Variants in BPTF observed in about 807,000 individuals in gnomAD.
BPTF encodes the protein nucleosome-remodeling factor subunit BPTF.
BPTF carries 18 observed loss-of-function variants against 292.5 expected under a neutral mutation model. The observed-to-expected ratio is 0.06, with a 90% confidence interval of 0.04 to 0.09. The LOEUF (loss-of-function observed/expected upper bound fraction) is 0.09. Ranked by LOEUF, BPTF falls within the 10% of genes least tolerant of loss-of-function variation. The probability of loss-of-function intolerance (pLI) is 1.00; values close to 1 mark genes in which losing one functional copy is unlikely to be tolerated. For synonymous variants in BPTF, 1,225 were observed against 1,251.9 expected, an observed-to-expected ratio of 0.98 and a Z score of 0.45; for missense variants, 2,726 against 3,498.7, an observed-to-expected ratio of 0.78 and a Z score of 5.57.
intron 27 of BPTF, 174 bp from the exon 28 acceptor site, chr17:67,982,078 T>C: frequency 1.6e-6 from 1 of 627,604 alleles, no homozygotes; most frequent in Non-Finnish European, 3.0e-6. Context: ...AGTGAAAAGT[T>C]TTAATATTAT....
At chr17:67,952,054 C>CAAAAAA (rs56099409) in intron 23 of BPTF, among the ~76,000 whole-genome samples, 1 of 71,380 alleles carries the variant, frequency 1.4e-5, no homozygotes, top group Non-Finnish European at 2.5e-5. Context: ...GACTCTGTCT[C>CAAAAAA]AAAAAAAAAA....
At chr17:67,971,775 C>T (rs55851004) in intron 26 of BPTF, among the ~76,000 whole-genome samples, 1 of 145,762 alleles carries the variant, frequency 6.9e-6, no homozygotes, top group Non-Finnish European at 1.5e-5. Context: ...TTGCAGTGAT[C>T]TGAGATCATG....
chr17:67,924,185 T>A (rs1343440541), intron 14 of BPTF, among the ~76,000 whole-genome samples: 1 of 151,790 alleles, frequency 6.6e-6, no homozygotes, highest in Admixed American at 6.6e-5. Context: ...GAACTCCTGA[T>A]CTCAAGCAAT....
chr17:67,918,706 C>T lies in BPTF; in HGVS notation c.5304-8C>T, dbSNP rs200578093. 3.2e-4 allele frequency: 514 copies of T among 1,611,304 alleles called. 3 individuals are homozygous for T. In the African/African-American group the frequency reaches 5.8e-3, roughly 18 times the overall value. On this transcript the variant is annotated splice_region_variant and splice_polypyrimidine_tract_variant and intron_variant, in intron 11 of 27. Transcript: ENST00000306378. ...GATATATATGGATTTCTTTGGTTTTCCTTTCAGGTATAGACTTCAGACAGT... is the reference window on the plus strand; with the variant it reads ...GATATATATGGATTTCTTTGGTTTTTCTTTCAGGTATAGACTTCAGACAGT...
At chr17:67,886,013 A>G in intron 4 of BPTF, 2 of 817,636 alleles carry the variant, frequency 2.4e-6, no homozygotes, top group South Asian at 4.0e-5. Context: ...ACATGAACAG[A>G]TTTTCTTTTA....
chr17:67,844,437 T>C (rs904154941), intron 1 of BPTF, among the ~76,000 whole-genome samples: 5 of 151,108 alleles, frequency 3.3e-5, no homozygotes, highest in African/African-American at 4.9e-5. Flanking sequence ...GTAGTAGAGA[T>C]GGGGTTTCAC....
chr17:67,925,992 CTTTTTTTTTTT>C lies in BPTF; in HGVS notation c.5751+1423_5751+1433del, dbSNP rs60083535. Among the ~76,000 whole-genome samples the C allele has an allele frequency of 1.9e-4, 11 of 56,650 alleles. 1 individual carries two copies. Among genetic ancestry groups the C allele is most frequent in the African/African-American group, 4.2e-4 (7 of 16,680 alleles). 37.2% of individuals were successfully genotyped at this position (56,650 alleles called of 152,430 possible). On this transcript the variant is annotated intron_variant, in intron 15 of 27. Coordinates refer to ENST00000306378, the MANE Select transcript of BPTF (RefSeq NM_182641.4). ...CTCTGCAATGTAACCTAACATATTA[CTTTTTTTTTTT>C]TTTTTTTTTTTTTTTTTTTGAGACA...
chr17:67,888,407 T>C (rs1036658838), intron 4 of BPTF, among the ~76,000 whole-genome samples: 6 of 152,012 alleles, frequency 3.9e-5, no homozygotes, highest in African/African-American at 1.4e-4. Context: ...GCCAACATAG[T>C]GAAACCCTGT....
intron 26 of BPTF, among the ~76,000 whole-genome samples, chr17:67,967,532 A>G (rs2068255824): frequency 6.6e-6 from 1 of 152,064 alleles, no homozygotes; most frequent in South Asian, 2.1e-4. Flanking sequence ...ATAATTACAA[A>G]AACATTGGAA....
chr17:67,978,506 C>T (rs1331908381), intron 27 of BPTF, among the ~76,000 whole-genome samples: 1 of 151,026 alleles, frequency 6.6e-6, no homozygotes, highest in Non-Finnish European at 1.5e-5. Flanking sequence ...ACCATGTTGA[C>T]CAAGCCGGTC....
Position 67,912,695 on chromosome 17 carries a change from A to G in BPTF, c.4811A>G (p.Lys1604Arg). 1 of 1,614,092 alleles carries G rather than the reference A, an allele frequency of 6.2e-7. No individual in the cohort carries two copies. Residue 1604 changes from lysine to arginine, a missense_variant, in exon 11 of 28, where the codon AAG becomes AGG. Physicochemically the swap from Lys to Arg is conservative, Grantham distance 26. This residue lies in a region of BPTF where 144 missense variants were observed against 177.2 expected (regional missense o/e 0.81). Coordinates refer to ENST00000306378, the MANE Select transcript of BPTF (RefSeq NM_182641.4). ...TVATESKTVI[K>R]VEKGDKQTVV... is the part of the protein sequence containing the mutation. ...GCCACAGAATCAAAAACTGTGATCA[A>G]GGTAGAAAAAGGCGATAAGCAAACT...
At chr17:67,910,839 G>A in intron 10 of BPTF, 38 bp from the exon 11 acceptor site, 3 of 1,408,450 alleles carry the variant, frequency 2.1e-6, no homozygotes, top group Non-Finnish European at 2.8e-6. Flanking sequence ...TCCTTTCAGA[G>A]TAAAAATTAC....
At chr17:67,954,335 G>C (rs1234272299) in intron 23 of BPTF, among the ~76,000 whole-genome samples, 1 of 151,964 alleles carries the variant, frequency 6.6e-6, no homozygotes, top group Non-Finnish European at 1.5e-5. Flanking sequence ...ACTCGGCCCT[G>C]GTTGTCTTTT....
chr17:67,964,565 C>T (rs1188836756), intron 25 of BPTF, among the ~76,000 whole-genome samples, 161 bp downstream of exon 25: 5 of 152,208 alleles, frequency 3.3e-5, no homozygotes, highest in African/African-American at 2.4e-5. Flanking sequence ...CGTACCAGTG[C>T]CATGAGCTTT....
intron 27 of BPTF, chr17:67,981,984 A>AATATATAT (rs35063149): frequency 2.8e-4 from 39 of 137,764 alleles, no homozygotes; most frequent in African/African-American, 1.1e-3. Flanking sequence ...TTATTAGACA[A>AATATATAT]ATATATATAT....
In BPTF at chr17:67,940,508, A is replaced by T; in HGVS notation, c.6329A>T (p.Asn2110Ile). 1 of 1,614,134 alleles carries T rather than the reference A, an allele frequency of 6.2e-7. No homozygotes were observed. Among genetic ancestry groups the T allele is most frequent in the Non-Finnish European group, 8.5e-7 (1 of 1,180,022 alleles). The change falls in exon 19 of 28, where the codon AAC (asparagine) becomes ATC (isoleucine). Residue 2110 changes from asparagine (N) to isoleucine (I), a missense_variant. By Grantham distance (149) the Asn-to-Ile change is moderately radical. Transcript: ENST00000306378. Reference sequence around the variant, plus strand: ...GTCTCCACTGCAGTCTCCGCCCCTAACACGGTTTCCTCAACACCTGGGCAG... The same window carrying T: ...GTCTCCACTGCAGTCTCCGCCCCTATCACGGTTTCCTCAACACCTGGGCAG... ...QPVSTAVSAP[N>I]TVSSTPGQKS...
intron 18 of BPTF, chr17:67,936,709 G>A (rs2064946108): frequency 6.6e-6 from 1 of 152,132 alleles, no homozygotes; most frequent in Non-Finnish European, 1.5e-5. Flanking sequence ...TGCCTTAAAC[G>A]AATTAATTCT....
chr17:67,897,395 A>T (rs1193141888), intron 7 of BPTF, among the ~76,000 whole-genome samples: 1 of 150,828 alleles, frequency 6.6e-6, no homozygotes, highest in Non-Finnish European at 1.5e-5. Flanking sequence ...CATACTAACC[A>T]ATATTTCTGA....
chr17:67,889,637 G>A (rs1037628351), intron 4 of BPTF, among the ~76,000 whole-genome samples: 9 of 151,936 alleles, frequency 5.9e-5, no homozygotes, highest in Admixed American at 2.0e-4. Context: ...GTGAAACCCC[G>A]TCTCTACTAA....
Sources: gnomAD v4.1 joint callset for allele counts (sites outside exome capture counted in the v4.1 genomes callset) on GRCh38, gnomAD v4.1.1 for gene constraint, gnomAD v4.1.1 regional missense constraint, MANE v1.5 for transcripts, NCBI Gene and HGNC (gene_info 2026-07-23, HGNC 2026-07-21) for gene names.